The following U2SURP variants were observed in gnomAD, a reference collection of about 807,000 sequenced individuals.
The protein encoded by U2SURP is U2 snRNP-associated SURP motif-containing protein.
In U2SURP, 9 loss-of-function variants were observed where a neutral mutation model predicts 144.9. The ratio of observed to expected loss-of-function variants is 0.06; its 90% CI spans 0.04 to 0.11. The LOEUF (loss-of-function observed/expected upper bound fraction) is 0.11, where lower values mean the gene tolerates loss of function less well. U2SURP is among the 10% of genes least tolerant of loss of function. U2SURP has a pLI of 1.00. For missense variants in U2SURP, 724 were observed against 1,226.7 expected, an observed-to-expected ratio of 0.59 and a Z score of 6.12; for synonymous variants, 408 against 396.8, an observed-to-expected ratio of 1.03 and a Z score of -0.33.
At chr3:143,051,497 T>C (rs1560207432) in intron 25 of U2SURP, among the ~76,000 whole-genome samples, 1 of 150,742 alleles carries the variant, frequency 6.6e-6, no homozygotes, top group Admixed American at 6.7e-5. Context: ...TGGTGAGCTC[T>C]GAGTGTTTGA....
intron 6 of U2SURP, among the ~76,000 whole-genome samples, chr3:143,018,101 T>TTAA (rs1326039006): frequency 1.3e-5 from 2 of 152,144 alleles, no homozygotes; most frequent in African/African-American, 4.8e-5. Context: ...TTGAGTGGTT[T>TTAA]TAAGTATGTT....
At chr3:143,014,116 T>C (rs892488268) in intron 3 of U2SURP, among the ~76,000 whole-genome samples, 195 bp from the exon 4 acceptor site, 1 of 152,024 alleles carries the variant, frequency 6.6e-6, no homozygotes, top group Non-Finnish European at 1.5e-5. Flanking sequence ...AATGAAGACA[T>C]TCTTTGATGA....
At position 143,005,589 on chromosome 3, in the gene U2SURP, C is replaced by T. The variant is rs550982812; in HGVS notation, c.45+3916C>T. On this transcript the variant is annotated intron_variant, in intron 1 of 27. Transcript: ENST00000473835. ...CCATTTTCTCGATTGATAACTTTTTCGAAACTTGAACCTGCAGCACGGGTG... is the reference window on the plus strand; with the variant it reads ...CCATTTTCTCGATTGATAACTTTTTTGAAACTTGAACCTGCAGCACGGGTG... Among the ~76,000 whole-genome samples, 8 of 152,198 alleles carry T rather than the reference C, an allele frequency of 5.3e-5. No individual in the cohort carries two copies. The South Asian group carries it at 1.2e-3, about 24-fold the overall frequency.
intron 19 of U2SURP, 121 bp downstream of exon 19, chr3:143,035,096 A>G (rs1933737988): frequency 4.2e-6 from 2 of 475,632 alleles, no homozygotes; most frequent in Non-Finnish European, 7.2e-6. Context: ...TAGATGTTAC[A>G]GAAGTTACTG....
Position 143,034,701 on chromosome 3 carries a change from T to C in U2SURP, c.1854-187T>C, listed in dbSNP as rs939992068. The C allele has an allele frequency of 3.2e-5, 16 of 493,030 alleles. No homozygotes were observed. In the East Asian group the frequency reaches 5.3e-4, roughly 16 times the overall value. The allele number at this position is 493,030 out of a possible 1,614,324, so 30.5% of individuals were successfully genotyped here. A position where few individuals can be genotyped will look rare whatever the true frequency, so the allele number is the denominator to read the frequency against. ...TGTTGGGGAGTTTGTAGGAGAAAAA[T>C]TCAGAGTAATAAGAGTTCAAGCAAT... On this transcript the variant is annotated intron_variant, in intron 18 of 27. Transcript: ENST00000473835.
intron 16 of U2SURP, among the ~76,000 whole-genome samples, chr3:143,032,187 C>T (rs1489862898): frequency 2.6e-5 from 4 of 152,072 alleles, no homozygotes; most frequent in Non-Finnish European, 4.4e-5. Context: ...ATTCTTCTGC[C>T]TCAGCCTCCC....
rs1037616311 is a variant in U2SURP, at chr3:143,060,715, T to C, written c.*4265T>C. The stretch of plus-strand genomic sequence containing the variant: ...TTTAAACTATAATCATATGTTTTCA[T>C]GCTAGATGGTTCTCTTGGTTAGGAA... On this transcript the variant is annotated 3_prime_UTR_variant, in exon 28 of 28. Coordinates refer to ENST00000473835, the MANE Select transcript of U2SURP (RefSeq NM_001080415.2). Among the ~76,000 whole-genome samples the C allele has an allele frequency of 1.3e-5, 2 of 152,020 alleles. No individual in the cohort carries two copies. Among genetic ancestry groups the C allele is most frequent in the African/African-American group, 4.8e-5 (2 of 41,462 alleles).
At chr3:143,040,955 A>G (rs1204454095) in intron 23 of U2SURP, among the ~76,000 whole-genome samples, 5 of 151,816 alleles carry the variant, frequency 3.3e-5, no homozygotes, top group Non-Finnish European at 5.9e-5. Flanking sequence ...ATTCAATGTC[A>G]TTGGTATTAT....
chr3:143,028,445 G>A, intron 15 of U2SURP, 38 bp from the exon 16 acceptor site: 3 of 1,609,022 alleles, frequency 1.9e-6, no homozygotes, highest in Non-Finnish European at 2.5e-6. Context: ...TTGACTCTGA[G>A]TAATTAGACC....
At chr3:143,031,246 A>T (rs565378755) in intron 16 of U2SURP, among the ~76,000 whole-genome samples, 1 of 152,252 alleles carries the variant, frequency 6.6e-6, no homozygotes, top group Non-Finnish European at 1.5e-5. Flanking sequence ...TTGATAAAGT[A>T]GTACAGGGTT....
chr3:143,056,322 G>A lies in U2SURP; in HGVS notation c.2962G>A (p.Gly988Ser), dbSNP rs776123042. The part of the protein sequence containing the change: ...VSKKAKRSPS[G>S]SRTPKRSRRS... ...TGTTTGTTTCCTTAGATCACCATCT[G>A]GTTCAAGGACACCTAAAAGGTCTAG... Residue 988 changes from glycine to serine, a missense_variant, in exon 28 of 28, where the codon GGT becomes AGT. By Grantham distance (56) the Gly-to-Ser change is moderately conservative. Coordinates refer to ENST00000473835, the MANE Select transcript of U2SURP (RefSeq NM_001080415.2). 5 of 1,605,218 alleles carry A rather than the reference G, an allele frequency of 3.1e-6. No homozygotes were observed. The highest frequency in any genetic ancestry group is 4.3e-6 in the Non-Finnish European group (5 of 1,175,200).
rs754212954 is a variant in U2SURP at position 143,032,793 on chromosome 3, T to C, written c.1620T>C (p.Asp540=). 3.7e-6 allele frequency: 6 copies of C among 1,612,298 alleles called. No homozygotes were observed. Among genetic ancestry groups the C allele is most frequent in the Non-Finnish European group, 5.1e-6 (6 of 1,179,226 alleles). ...KKGALKEEQR[D]KLEEILRGLT... ...AACAATTTATGTTCAGACAGAGGGA[T>C]AAATTGGAAGAAATCTTGCGGGGAT... The change falls in exon 17 of 28, where the codon GAT becomes GAC. Residue 540 remains aspartate (D), a synonymous_variant. Coordinates refer to ENST00000473835, the MANE Select transcript of U2SURP (RefSeq NM_001080415.2).
Position 143,043,228 on chromosome 3 carries a change from G to A in U2SURP, c.2496G>A (p.Lys832=), listed in dbSNP as rs1370266768. 2 of 1,604,962 alleles carry A rather than the reference G, an allele frequency of 1.2e-6. No homozygotes were observed. Among genetic ancestry groups the A allele is most frequent in the Non-Finnish European group, 1.7e-6 (2 of 1,175,170 alleles). ...KEEMTESKFS[K]YSEMSEEKRA... is the part of the protein sequence containing the mutation. ...AAATGACTGAGTCTAAGTTCTCTAA[G>A]TACTCTGAAATGAGTGAGGAAAAAC... Residue 832 remains lysine, a synonymous_variant, in exon 24 of 28, where the codon AAG becomes AAA. Coordinates refer to ENST00000473835, the MANE Select transcript of U2SURP (RefSeq NM_001080415.2).
At position 143,023,982 on chromosome 3, in the gene U2SURP, C is replaced by T; in HGVS notation, c.1238C>T (p.Ser413Leu). 2 of 1,612,898 alleles carry T rather than the reference C, an allele frequency of 1.2e-6. No individual in the cohort carries two copies. The highest frequency in any genetic ancestry group is 1.7e-6 in the Non-Finnish European group (2 of 1,179,202). ...ATGTGACTTCATATACAGACTCTGTCGCAAGCCATAGTCAAAGTGGTTATC... is the reference window on the plus strand; with the variant it reads ...ATGTGACTTCATATACAGACTCTGTTGCAAGCCATAGTCAAAGTGGTTATC... ...KNKEDFEKTLSQAIVKVVIPT... is the reference protein window; with the variant it reads ...KNKEDFEKTLLQAIVKVVIPT... Residue 413 changes from serine to leucine, a missense_variant, in exon 13 of 28, where the codon TCG becomes TTG. Ser to Leu is a moderately radical substitution (Grantham distance 145). This residue lies in a region of U2SURP where 64 missense variants were observed against 164.1 expected (regional missense o/e 0.39). Coordinates refer to ENST00000473835, the MANE Select transcript of U2SURP (RefSeq NM_001080415.2).
rs933397200 is a variant in U2SURP at position 143,017,115 on chromosome 3, C to T, written c.570+140C>T. 5 of 688,542 alleles carry T rather than the reference C, an allele frequency of 7.3e-6. No homozygotes were observed. The African/African-American group carries it at 9.4e-5, about 13-fold the overall frequency. The allele number at this position is 688,542 out of a possible 1,614,324, so 42.7% of individuals were successfully genotyped here. On this transcript the variant is annotated intron_variant, in intron 6 of 27. Transcript: ENST00000473835. ...GATGTTAAGTTTTGATGCTTTCTAA[C>T]CCAGTAATTTACTTAGATGAGAGTT...
At chr3:143,042,480 G>T (rs1301975793) in intron 23 of U2SURP, among the ~76,000 whole-genome samples, 2 of 151,668 alleles carry the variant, frequency 1.3e-5, no homozygotes, top group Admixed American at 6.6e-5. Context: ...AGTTTTTGGG[G>T]TACAAGTGGT....
chr3:143,043,002 A>G lies in U2SURP; in HGVS notation c.2385-115A>G, dbSNP rs536430759. On this transcript the variant is annotated intron_variant, in intron 23 of 27. Transcript: ENST00000473835. ...TGCTTGAGGTATGAATTGTCCTATT[A>G]TGTTTTGGCTATGTTATTTAAGCTC... 3.4e-4 allele frequency: 348 copies of G among 1,014,026 alleles called. 5 individuals are homozygous for G. In the East Asian group the frequency reaches 9.1e-3, roughly 26 times the overall value. The allele number at this position is 1,014,026 out of a possible 1,614,324, so 62.8% of individuals were successfully genotyped here. A position where few individuals can be genotyped will look rare whatever the true frequency, so the allele number is the denominator to read the frequency against.
intron 1 of U2SURP, chr3:143,002,085 TCTCA>T (rs1479843819): frequency 1.3e-5 from 3 of 237,284 alleles, no homozygotes; most frequent in Middle Eastern, 1.5e-3. Flanking sequence ...CGGTTTTGGA[TCTCA>T]CTCACTTCCG....
At chr3:143,010,977 T>G in intron 2 of U2SURP, 118 bp downstream of exon 2, 2 of 749,192 alleles carry the variant, frequency 2.7e-6, no homozygotes, top group Non-Finnish European at 4.0e-6. Context: ...GCTTTTTTCT[T>G]TTACTCTTTT....
Sources: allele counts gnomAD v4.1 joint callset (sites outside exome capture counted in the v4.1 genomes callset), GRCh38; gene constraint gnomAD v4.1.1; regional missense constraint gnomAD v4.1.1; transcripts MANE v1.5; gene names NCBI Gene and HGNC (gene_info 2026-07-23, HGNC 2026-07-21).